CEP89: variants seen among roughly 807,000 people sequenced by gnomAD.
The protein encoded by CEP89 is centrosomal protein of 89 kDa.
A neutral mutation model predicts 97.6 loss-of-function variants in CEP89; 95 were observed. The ratio of observed to expected loss-of-function variants is 0.97; its 90% CI spans 0.82 to 1.15. CEP89 has a LOEUF of 1.15. Ranked by LOEUF, CEP89 falls within the 50% of genes most tolerant of loss-of-function variation. CEP89 has a pLI of 0.00. For missense variants in CEP89, 869 were observed against 947.7 expected, an observed-to-expected ratio of 0.92 and a Z score of 1.09; for synonymous variants, 354 against 349.1, an observed-to-expected ratio of 1.01 and a Z score of -0.16.
At chr19:32,966,174 A>C (rs1971278732) in intron 2 of CEP89, 186 bp downstream of exon 2, 1 of 401,628 alleles carries the variant, frequency 2.5e-6, no homozygotes, top group East Asian at 3.6e-5. Context: ...AGAGACCTCA[A>C]GTCAGTCCAT....
intron 5 of CEP89, among the ~76,000 whole-genome samples, chr19:32,944,156 T>A (rs546616215): frequency 2.1e-5 from 3 of 143,078 alleles, no homozygotes; most frequent in African/African-American, 5.3e-5. Context: ...GAACCCAGGT[T>A]GAGGTTGCAG....
chr19:32,907,759 G>A (rs1307900981), intron 14 of CEP89, among the ~76,000 whole-genome samples: 1 of 152,096 alleles, frequency 6.6e-6, no homozygotes, highest in Admixed American at 6.6e-5. Flanking sequence ...GCCAATTTTT[G>A]TAATTTTAGT....
chr19:32,903,638 A>G (rs1969829337), intron 14 of CEP89, among the ~76,000 whole-genome samples: 1 of 152,178 alleles, frequency 6.6e-6, no homozygotes, highest in African/African-American at 2.4e-5. Context: ...TAGATTTGTG[A>G]AGTTGAAGAG....
In CEP89 at chr19:32,878,122, G is replaced by A. The variant is rs73041757; in HGVS notation, c.*1040C>T. The stretch of plus-strand genomic sequence containing the variant: ...TACAAAATTAGCCAGGCATGTTAGT[G>A]TATACCTGTCATCTCACCTACTCAG... On this transcript the variant is annotated 3_prime_UTR_variant, in exon 19 of 19. Transcript: ENST00000305768. 0.14 allele frequency: 21,807 copies of A among 152,068 alleles called. 1,965 individuals are homozygous for A. Among genetic ancestry groups the A allele is most frequent in the Non-Finnish European group, 0.21 (14,385 of 68,012 alleles). 9.4% of individuals were successfully genotyped at this position (152,068 alleles called of 1,614,324 possible).
chr19:32,950,151 G>T (rs1394833583), intron 4 of CEP89, among the ~76,000 whole-genome samples: 1 of 151,840 alleles, frequency 6.6e-6, no homozygotes, highest in East Asian at 1.9e-4. Flanking sequence ...CACCACGCAA[G>T]GCCGACCTCA....
At chr19:32,971,391 T>C in intron 1 of CEP89, 1 of 425,354 alleles carries the variant, frequency 2.4e-6, no homozygotes, top group South Asian at 7.6e-5. Flanking sequence ...GGCAGAAGAT[T>C]GTTAACGCCG....
intron 14 of CEP89, among the ~76,000 whole-genome samples, chr19:32,907,823 C>A (rs1599728714): frequency 1.3e-5 from 2 of 152,086 alleles, no homozygotes; most frequent in South Asian, 2.1e-4. Context: ...CTGACCTCAA[C>A]TGATCCACCT....
Position 32,939,556 on chromosome 19 carries a change from C to T in CEP89, c.624+301G>A, listed in dbSNP as rs192138443. ...AGCTGGGTGTGGTGGCATGCATCTGCGATCCCAGCTACTCGGGAGGCTGAG... is the reference window on the plus strand; with the variant it reads ...AGCTGGGTGTGGTGGCATGCATCTGTGATCCCAGCTACTCGGGAGGCTGAG... On this transcript the variant is annotated intron_variant, in intron 6 of 18. Transcript: ENST00000305768. 9.3e-5 allele frequency among the ~76,000 whole-genome samples: 14 copies of T among 150,958 alleles called. No homozygotes were observed. In the East Asian group the frequency reaches 2.8e-3, roughly 31 times the overall value.
intron 4 of CEP89, 121 bp from the exon 5 acceptor site, chr19:32,948,489 G>T (rs140798362): frequency 9.2e-5 from 52 of 565,736 alleles, no homozygotes; most frequent in African/African-American, 8.0e-4. Flanking sequence ...TCCTCCATGG[G>T]CACTTCAGCT....
At chr19:32,966,502 G>A (rs1181688207) in intron 1 of CEP89, 36 bp from the exon 2 acceptor site, 1 of 1,334,868 alleles carries the variant, frequency 7.5e-7, no homozygotes. Flanking sequence ...TCACTGGGTT[G>A]GGTCACTGGA....
Position 32,879,108 on chromosome 19 carries a change from T to A in CEP89, c.*54A>T. 2 of 1,438,234 alleles carry A rather than the reference T, an allele frequency of 1.4e-6. No homozygotes were observed. The highest frequency in any genetic ancestry group is 1.9e-6 in the Non-Finnish European group (2 of 1,050,768). The allele number at this position is 1,438,234 out of a possible 1,614,324, so 89.1% of individuals were successfully genotyped here. A position where few individuals can be genotyped will look rare whatever the true frequency, so the allele number is the denominator to read the frequency against. ...TGGGCTGCCCTGCAGGGAAGGCCTG[T>A]GTGAGGCAGACCTTTCAGGCCAGAG... On this transcript the variant is annotated 3_prime_UTR_variant, in exon 19 of 19. Transcript: ENST00000305768.
intron 5 of CEP89, among the ~76,000 whole-genome samples, chr19:32,942,843 T>C (rs4635450): frequency 0.9 from 133,729 of 148,538 alleles, 60,383 homozygotes; most frequent in African/African-American, 0.98. Flanking sequence ...CTGGGTCTAT[T>C]CCAGTCTTTT....
chr19:32,898,394 T>G (rs1599719794), intron 16 of CEP89, among the ~76,000 whole-genome samples: 1 of 151,534 alleles, frequency 6.6e-6, no homozygotes, highest in Non-Finnish European at 1.5e-5. Context: ...TGGGTATGGG[T>G]GTGTTTGTGG....
rs763562174 is a variant in CEP89, at chr19:32,953,574, A to G, written c.492+41T>C. 1.4e-5 allele frequency: 21 copies of G among 1,492,208 alleles called. No homozygotes were observed. In the South Asian group the frequency reaches 2.1e-4, roughly 15 times the overall value. The allele number at this position is 1,492,208 out of a possible 1,614,324, so 92.4% of individuals were successfully genotyped here. Reference sequence around the variant, plus strand: ...CACTAATTTACCAAAAGTTAACATCAGGGTGAATGTCAAGAAGAAAACTGG... The same window carrying G: ...CACTAATTTACCAAAAGTTAACATCGGGGTGAATGTCAAGAAGAAAACTGG... On this transcript the variant is annotated intron_variant, in intron 4 of 18. Coordinates refer to ENST00000305768, the MANE Select transcript of CEP89 (RefSeq NM_032816.5).
intron 10 of CEP89, 95 bp downstream of exon 10, chr19:32,926,839 G>T: frequency 9.4e-7 from 1 of 1,066,936 alleles, no homozygotes; most frequent in Non-Finnish European, 1.4e-6. Flanking sequence ...TGGGATTACA[G>T]ACATGAGCCA....
At position 32,879,505 on chromosome 19, in the gene CEP89, T is replaced by C. The variant is rs1599702111; in HGVS notation, c.2136-127A>G. 11 of 747,862 alleles carry C rather than the reference T, an allele frequency of 1.5e-5. No homozygotes were observed. In the East Asian group the frequency reaches 2.9e-4, roughly 20 times the overall value. 46.3% of individuals were successfully genotyped at this position (747,862 alleles called of 1,614,324 possible). A position where few individuals can be genotyped will look rare whatever the true frequency, so the allele number is the denominator to read the frequency against. On this transcript the variant is annotated intron_variant, in intron 18 of 18. Transcript: ENST00000305768. ...GGGAACAGAGCCCTCGGTGCCTGGG[T>C]TCTGAAGCAAGCGCTCAGTGTGGAA...
intron 15 of CEP89, 133 bp from the exon 16 acceptor site, chr19:32,900,131 T>A: frequency 2.5e-6 from 2 of 806,416 alleles, no homozygotes; most frequent in Non-Finnish European, 3.9e-6. Context: ...CTAAATCTTC[T>A]ATTAAGTTTC....
At chr19:32,966,597 C>A (rs988506412) in intron 1 of CEP89, 131 bp from the exon 2 acceptor site, 7 of 427,850 alleles carry the variant, frequency 1.6e-5, no homozygotes, top group African/African-American at 1.0e-4. Context: ...CATCAGAAGC[C>A]CACTCCTCCC....
At chr19:32,903,824 C>T (rs981950664) in intron 14 of CEP89, among the ~76,000 whole-genome samples, 1 of 152,190 alleles carries the variant, frequency 6.6e-6, no homozygotes, top group African/African-American at 2.4e-5. Flanking sequence ...GAAAAATACA[C>T]ACTGATAGCC....
Sources: gnomAD v4.1 joint callset for allele counts (sites outside exome capture counted in the v4.1 genomes callset) on GRCh38, gnomAD v4.1.1 for gene constraint, MANE v1.5 for transcripts, NCBI Gene and HGNC (gene_info 2026-07-23, HGNC 2026-07-21) for gene names.